The following PKN2 variants were observed in gnomAD, a reference collection of about 807,000 sequenced individuals.
PKN2 encodes protein kinase N2, also known as serine/threonine-protein kinase N2.
Under a neutral mutation model 119.1 loss-of-function variants are expected in PKN2, and 38 were observed. The observed-to-expected ratio is 0.32, with a 90% CI of 0.25 to 0.42. The LOEUF (loss-of-function observed/expected upper bound fraction) is 0.42. Among genes scored for constraint, PKN2 ranks in the 10% least tolerant of loss-of-function variants. The probability of loss-of-function intolerance (pLI) is 1.00; values close to 1 mark genes in which losing one functional copy is unlikely to be tolerated. For synonymous variants in PKN2, 390 were observed against 384.9 expected, an observed-to-expected ratio of 1.01 and a Z score of -0.15; for missense variants, 850 against 1,165.1, an observed-to-expected ratio of 0.73 and a Z score of 3.94.
chr1:88,712,173 A>C (rs1415351119), intron 1 of PKN2, among the ~76,000 whole-genome samples: 1 of 152,172 alleles, frequency 6.6e-6, no homozygotes, highest in Non-Finnish European at 1.5e-5. Flanking sequence ...TTTTAAAGCA[A>C]GTTATATTAA....
chr1:88,789,936 C>G (rs1250371767), intron 8 of PKN2, among the ~76,000 whole-genome samples: 1 of 149,894 alleles, frequency 6.7e-6, no homozygotes. Flanking sequence ...TTTTTAATAC[C>G]TTTTCCTCCC....
intron 2 of PKN2, among the ~76,000 whole-genome samples, chr1:88,752,830 T>G (rs1669054509): frequency 6.6e-6 from 1 of 152,158 alleles, no homozygotes; most frequent in Non-Finnish European, 1.5e-5. Flanking sequence ...TATAGTTGGA[T>G]TTATTTTATT....
At chr1:88,716,810 G>C in intron 1 of PKN2, among the ~76,000 whole-genome samples, 1 of 152,096 alleles carries the variant, frequency 6.6e-6, no homozygotes, top group Non-Finnish European at 1.5e-5. Context: ...GGTTAATATT[G>C]TTATGTGTGA....
intron 1 of PKN2, among the ~76,000 whole-genome samples, chr1:88,737,047 C>T (rs1446725078): frequency 6.6e-6 from 1 of 152,196 alleles, no homozygotes; most frequent in Admixed American, 6.5e-5. Flanking sequence ...TTTCAAGCAT[C>T]AGTGTCTCCA....
chr1:88,796,445 T>C (rs1237404265), intron 8 of PKN2, among the ~76,000 whole-genome samples: 1 of 152,238 alleles, frequency 6.6e-6, no homozygotes, highest in Non-Finnish European at 1.5e-5. Context: ...TCATGACTTA[T>C]CTCTGCCCAT....
intron 3 of PKN2, among the ~76,000 whole-genome samples, chr1:88,765,335 A>G (rs1238759896): frequency 6.6e-6 from 1 of 151,558 alleles, no homozygotes; most frequent in Non-Finnish European, 1.5e-5. Flanking sequence ...CAGTAAACCA[A>G]GGTATTAATT....
intron 16 of PKN2, among the ~76,000 whole-genome samples, chr1:88,819,731 C>G (rs1672167570): frequency 6.6e-6 from 1 of 152,102 alleles, no homozygotes; most frequent in Non-Finnish European, 1.5e-5. Context: ...GAGCACTGTT[C>G]ACAATAGCAA....
chr1:88,745,260 G>A (rs1009493786), intron 2 of PKN2, among the ~76,000 whole-genome samples: 9 of 152,148 alleles, frequency 5.9e-5, no homozygotes, highest in African/African-American at 2.2e-4. Flanking sequence ...TTAAGCCCTA[G>A]CTAGAGCACT....
At chr1:88,790,954 C>G (rs989753721) in intron 8 of PKN2, among the ~76,000 whole-genome samples, 1 of 151,698 alleles carries the variant, frequency 6.6e-6, no homozygotes, top group African/African-American at 2.4e-5. Context: ...AAAACAACAC[C>G]CTGTTTTTCT....
At chr1:88,804,565 A>T in intron 9 of PKN2, 31 bp downstream of exon 9, 5 of 1,581,394 alleles carry the variant, frequency 3.2e-6, no homozygotes, top group Non-Finnish European at 4.3e-6. Context: ...AATGTGCATA[A>T]CTACAATTGA....
At chr1:88,747,317 T>C (rs1668808253) in intron 2 of PKN2, among the ~76,000 whole-genome samples, 1 of 152,184 alleles carries the variant, frequency 6.6e-6, no homozygotes, top group South Asian at 2.1e-4. Context: ...TTAGCCTAAT[T>C]TGATCATTCT....
rs1672599458 is a variant in PKN2, at chr1:88,828,491, T to C, written c.2430T>C (p.Tyr810=). The change falls in exon 19 of 22, where the codon TAT becomes TAC. Residue 810 remains tyrosine, a synonymous_variant. Coordinates refer to ENST00000370521, the MANE Select transcript of PKN2 (RefSeq NM_006256.4). ...TTTTATCTTTTCCAGGAATGGGATATGGAGATAGAACAAGCACATTTTGTG... is the reference window on the plus strand; with the variant it reads ...TTTTATCTTTTCCAGGAATGGGATACGGAGATAGAACAAGCACATTTTGTG... ...DFGLCKEGMG[Y]GDRTSTFCGT... 6.2e-7 allele frequency: 1 copy of C among 1,609,688 alleles called. No individual in the cohort carries two copies. Among genetic ancestry groups the C allele is most frequent in the Non-Finnish European group, 8.5e-7 (1 of 1,176,620 alleles).
intron 6 of PKN2, among the ~76,000 whole-genome samples, chr1:88,776,900 G>A (rs1670131867): frequency 6.6e-6 from 1 of 152,126 alleles, no homozygotes; most frequent in Admixed American, 6.5e-5. Context: ...ATTATAATGT[G>A]TCTTAGAGTG....
intron 15 of PKN2, 151 bp downstream of exon 15, chr1:88,807,926 T>C (rs1207505211): frequency 1.9e-6 from 1 of 526,964 alleles, no homozygotes; most frequent in Non-Finnish European, 3.3e-6. Flanking sequence ...AGGTAGACAT[T>C]AGTTTTTCTT....
chr1:88,718,718 T>G (rs1667552705), intron 1 of PKN2, among the ~76,000 whole-genome samples: 1 of 152,188 alleles, frequency 6.6e-6, no homozygotes, highest in Non-Finnish European at 1.5e-5. Flanking sequence ...ATCCTATATT[T>G]AATAACCTTC....
intron 8 of PKN2, among the ~76,000 whole-genome samples, chr1:88,800,011 T>G (rs917705420): frequency 6.6e-6 from 1 of 152,188 alleles, no homozygotes; most frequent in African/African-American, 2.4e-5. Flanking sequence ...TTCCAGGTAT[T>G]GAGTTTATTC....
chr1:88,816,803 C>T (rs11802097), intron 16 of PKN2: 2 of 152,158 alleles, frequency 1.3e-5, no homozygotes, highest in Admixed American at 1.3e-4. Context: ...AGCACATACA[C>T]TAAAATTGGA....
intron 1 of PKN2, among the ~76,000 whole-genome samples, chr1:88,711,808 A>G (rs759487743): frequency 3.3e-5 from 5 of 152,124 alleles, no homozygotes; most frequent in African/African-American, 1.2e-4. Flanking sequence ...ATGGCAGTCA[A>G]AATTTCAGGA....
intron 6 of PKN2, among the ~76,000 whole-genome samples, chr1:88,775,312 G>A (rs141506161): frequency 1.0e-3 from 156 of 152,158 alleles, no homozygotes; most frequent in African/African-American, 3.6e-3. Context: ...CACTTCCTCC[G>A]TAGTTTTGCC....
Sources: gnomAD v4.1 joint callset for allele counts (sites outside exome capture counted in the v4.1 genomes callset) on GRCh38, gnomAD v4.1.1 for gene constraint, MANE v1.5 for transcripts, NCBI Gene and HGNC (gene_info 2026-07-23, HGNC 2026-07-21) for gene names.